Variants in VPS29 observed in about 807,000 individuals in gnomAD.
VPS29 encodes VPS29 retromer complex component.
A neutral mutation model predicts 20.0 loss-of-function variants in VPS29; 2 were observed. That is an observed-to-expected ratio of 0.10 (90% CI 0.04 to 0.31). The LOEUF (loss-of-function observed/expected upper bound fraction) is 0.31, where lower values mean the gene tolerates loss of function less well. Among genes scored for constraint, VPS29 ranks in the 10% least tolerant of loss-of-function variants. VPS29 has a pLI of 1.00. For missense variants in VPS29, 120 were observed against 215.3 expected, an observed-to-expected ratio of 0.56 and a Z score of 2.77; for synonymous variants, 81 against 79.3, an observed-to-expected ratio of 1.02 and a Z score of -0.12.
intron 1 of VPS29, chr12:110,497,079 A>G (rs1354900612): frequency 6.6e-6 from 1 of 152,178 alleles, no homozygotes; most frequent in African/African-American, 2.4e-5. Context: ...CAGCTAAATA[A>G]GTGATAAATT....
chr12:110,497,307 C>T (rs181003204), intron 1 of VPS29, among the ~76,000 whole-genome samples: 36 of 148,136 alleles, frequency 2.4e-4, no homozygotes, highest in Non-Finnish European at 4.6e-4. Context: ...ACCTCCGCCT[C>T]CTGGGTTCAA....
At position 110,499,599 on chromosome 12, in the gene VPS29, T is replaced by C. The variant is rs143040189; in HGVS notation, c.3+2450A>G. 8,119 of 1,389,140 alleles carry C rather than the reference T, an allele frequency of 5.8e-3. 548 individuals are homozygous for C. The Admixed American group carries it at 0.13, about 21-fold the overall frequency. The allele number at this position is 1,389,140 out of a possible 1,614,324, so 86.1% of individuals were successfully genotyped here. On this transcript the variant is annotated intron_variant, in intron 1 of 3. Transcript: ENST00000549578. ...GACAGGGGGGATGAAAAAAAAAGGG[T>C]GAAACATGACCAATGTTAAAAGAAA...
Position 110,492,831 on chromosome 12 carries a change from C to T in VPS29, c.431+165G>A, listed in dbSNP as rs118139783. ...TAGAGACAGGGTCTCACCATATTGT[C>T]TAGGCTGGTCTCAAACTCCTGGGCT... On this transcript the variant is annotated intron_variant, in intron 3 of 3. Coordinates refer to ENST00000549578, the MANE Select transcript of VPS29 (RefSeq NM_016226.5). 9.1e-4 allele frequency: 569 copies of T among 628,212 alleles called. 7 individuals are homozygous for T. In the East Asian group the frequency reaches 0.016, roughly 18 times the overall value. 38.9% of individuals were successfully genotyped at this position (628,212 alleles called of 1,614,324 possible).
At chr12:110,499,565 T>G (rs778735228) in intron 1 of VPS29, 1 of 1,598,714 alleles carries the variant, frequency 6.3e-7, no homozygotes. Context: ...AATGAAGAAG[T>G]TGATTGCAGA....
chr12:110,501,858 G>T, intron 1 of VPS29, 191 bp downstream of exon 1: 1 of 1,400,752 alleles, frequency 7.1e-7, no homozygotes. Flanking sequence ...ACCTAGGCCA[G>T]CCGCACCCAG....
At chr12:110,501,819 C>G in intron 1 of VPS29, 1 of 1,183,856 alleles carries the variant, frequency 8.4e-7, no homozygotes, top group Non-Finnish European at 1.2e-6. Flanking sequence ...CCTTGGATGG[C>G]CTCTGGCCCC....
chr12:110,492,217 C>A (rs1479757949), intron 3 of VPS29, 95 bp from the exon 4 acceptor site: 3 of 962,116 alleles, frequency 3.1e-6, no homozygotes, highest in East Asian at 2.4e-5. Flanking sequence ...TCAGAGAAAT[C>A]TGTTACATAT....
At chr12:110,501,291 T>C (rs2063032532) in intron 1 of VPS29, 1 of 1,262,954 alleles carries the variant, frequency 7.9e-7, no homozygotes, top group South Asian at 1.4e-5. Flanking sequence ...AAGGGGTGAT[T>C]GCTTGAAGGT....
chr12:110,500,816 C>T (rs980399090), intron 1 of VPS29, among the ~76,000 whole-genome samples: 1 of 150,530 alleles, frequency 6.6e-6, no homozygotes, highest in Admixed American at 6.6e-5. Context: ...AAAGCTTACA[C>T]AGGGTGGAAG....
At chr12:110,497,941 T>C (rs2062935132) in intron 1 of VPS29, among the ~76,000 whole-genome samples, 1 of 151,346 alleles carries the variant, frequency 6.6e-6, no homozygotes, top group Non-Finnish European at 1.5e-5. Flanking sequence ...AAAAAAATAG[T>C]ATCTATCCTC....
intron 1 of VPS29, chr12:110,499,651 A>AG: frequency 2.4e-6 from 2 of 841,108 alleles, no homozygotes; most frequent in Non-Finnish European, 3.8e-6. Flanking sequence ...AAAAAAAAAA[A>AG]AGAGAACAAA....
intron 2 of VPS29, 94 bp from the exon 3 acceptor site, chr12:110,493,325 G>T: frequency 1.3e-5 from 11 of 865,964 alleles, no homozygotes; most frequent in Non-Finnish European, 1.8e-5. Context: ...TCCTATGGAT[G>T]TTTTGATGTA....
At chr12:110,499,769 T>C (rs2062968767) in intron 1 of VPS29, among the ~76,000 whole-genome samples, 1 of 152,228 alleles carries the variant, frequency 6.6e-6, no homozygotes. Context: ...ATATTTGCTT[T>C]ATTTTTGAAC....
intron 1 of VPS29, chr12:110,501,445 G>A (rs953767306): frequency 1.1e-5 from 17 of 1,535,346 alleles, no homozygotes; most frequent in Non-Finnish European, 1.5e-5. Context: ...CCCGTGGAAA[G>A]AAACAGTTCC....
chr12:110,497,302 C>T (rs1249286587), intron 1 of VPS29, among the ~76,000 whole-genome samples: 1 of 148,384 alleles, frequency 6.7e-6, no homozygotes, highest in Non-Finnish European at 1.5e-5. Flanking sequence ...CTGCAACCTC[C>T]GCCTCCTGGG....
At chr12:110,495,374 AAAGT>A (rs1253772991) in intron 2 of VPS29, among the ~76,000 whole-genome samples, 1 of 152,216 alleles carries the variant, frequency 6.6e-6, no homozygotes, top group African/African-American at 2.4e-5. Context: ...GGCTTGGAAT[AAAGT>A]TAGTAGAGGT....
At chr12:110,495,257 G>A (rs1481747770) in intron 2 of VPS29, among the ~76,000 whole-genome samples, 1 of 152,152 alleles carries the variant, frequency 6.6e-6, no homozygotes, top group African/African-American at 2.4e-5. Context: ...GAGAAGTGAT[G>A]TGATCTTACT....
At chr12:110,501,655 G>T in intron 1 of VPS29, 4 of 1,528,226 alleles carry the variant, frequency 2.6e-6, no homozygotes, top group Non-Finnish European at 3.5e-6. Context: ...CAACCAGCGG[G>T]AGGTGCTTTT....
chr12:110,500,206 GCTGCCCACAGACT>G (rs1417090368), intron 1 of VPS29, among the ~76,000 whole-genome samples: 2 of 152,146 alleles, frequency 1.3e-5, no homozygotes, highest in Non-Finnish European at 2.9e-5. Flanking sequence ...ACTTGAATTT[GCTGCCCACAGACT>G]CTGGACACTG....
Sources: gnomAD v4.1 joint callset for allele counts (sites outside exome capture counted in the v4.1 genomes callset) on GRCh38, gnomAD v4.1.1 for gene constraint, MANE v1.5 for transcripts, NCBI Gene and HGNC (gene_info 2026-07-23, HGNC 2026-07-21) for gene names.